DTNA: variants seen among roughly 807,000 people sequenced by gnomAD.
DTNA encodes the protein dystrobrevin alpha, also known as dystrophin-related protein 3.
A neutral mutation model predicts 100.7 loss-of-function variants in DTNA; 43 were observed. That is an observed-to-expected ratio of 0.43 (90% CI 0.33 to 0.55). The LOEUF (loss-of-function observed/expected upper bound fraction) is 0.55. Ranked by LOEUF, DTNA falls within the 20% of genes least tolerant of loss-of-function variation. DTNA has a pLI of 0.04. For missense variants in DTNA, 798 were observed against 953.9 expected (o/e 0.84, Z 2.15); for synonymous variants, 349 against 347.9 (o/e 1.00, Z -0.04).
At chr18:34,701,011 C>G (rs1185954633) in intron 1 of DTNA, among the ~76,000 whole-genome samples, 1 of 152,182 alleles carries the variant, frequency 6.6e-6, no homozygotes. Context: ...CTCTTAAGGA[C>G]TGAGTGCATT....
In DTNA at chr18:34,889,533, C is replaced by G; in HGVS notation, c.*1799C>G. On this transcript the variant is annotated 3_prime_UTR_variant, in exon 23 of 23. Transcript: ENST00000444659. Reference sequence around the variant, plus strand: ...GGGGCTGGCAAAAACCTTCTCTGAACCCACACACCAAGTTCGTAGTTGGTA... The same window carrying G: ...GGGGCTGGCAAAAACCTTCTCTGAAGCCACACACCAAGTTCGTAGTTGGTA... The G allele has an allele frequency of 1.0e-6, 1 of 985,326 alleles. No homozygotes were observed. Among genetic ancestry groups the G allele is most frequent in the Non-Finnish European group, 1.2e-6 (1 of 829,958 alleles). 61.0% of individuals were successfully genotyped at this position (985,326 alleles called of 1,614,324 possible).
intron 13 of DTNA, among the ~76,000 whole-genome samples, chr18:34,841,065 A>G (rs995524790): frequency 1.3e-5 from 2 of 151,020 alleles, no homozygotes; most frequent in Admixed American, 6.6e-5. Context: ...CCTTGTATAC[A>G]TAATTTCTCC....
rs183730700 is a variant in DTNA, at chr18:34,862,776, G to A, written c.1647-1190G>A. Among the ~76,000 whole-genome samples, 50 of 152,158 alleles carry A rather than the reference G, an allele frequency of 3.3e-4. No homozygotes were observed. The East Asian group carries it at 8.7e-3, about 26-fold the overall frequency. ...GATTATGCCACTGCACTCCAGCGTAGGCAACAGAGTGAGACCTTGTCTCTA... is the reference window on the plus strand; with the variant it reads ...GATTATGCCACTGCACTCCAGCGTAAGCAACAGAGTGAGACCTTGTCTCTA... On this transcript the variant is annotated intron_variant, in intron 16 of 22. Coordinates refer to ENST00000444659, the MANE Select transcript of DTNA (RefSeq NM_001386795.1).
At chr18:34,643,581 T>TC (rs1387280897) in intron 1 of DTNA, among the ~76,000 whole-genome samples, 8 of 152,356 alleles carry the variant, frequency 5.3e-5, no homozygotes, top group African/African-American at 1.9e-4. Context: ...GAGAATATAT[T>TC]CATTGGGTAA....
rs558702600 is a variant in DTNA at position 34,626,149 on chromosome 18, G to A, written c.-1-129827G>A. Among the ~76,000 whole-genome samples the A allele has an allele frequency of 1.9e-4, 29 of 152,264 alleles. 1 individual carries two copies. In the South Asian group the frequency reaches 2.7e-3, roughly 14 times the overall value. Reference sequence around the variant, plus strand: ...CCTCTAAACAGTTTATAAAGCTTTAGACAGATGTACAATGAATGTTATTAT... The same window carrying A: ...CCTCTAAACAGTTTATAAAGCTTTAAACAGATGTACAATGAATGTTATTAT... On this transcript the variant is annotated intron_variant, in intron 1 of 19. Coordinates refer to the DTNA transcript ENST00000283365.
chr18:34,612,838 A>G (rs2054507269), intron 1 of DTNA, among the ~76,000 whole-genome samples: 1 of 152,242 alleles, frequency 6.6e-6, no homozygotes, highest in South Asian at 2.1e-4. Context: ...ACTCATTAGA[A>G]TTAATCATGA....
chr18:34,745,178 A>G (rs752525824), intron 1 of DTNA, among the ~76,000 whole-genome samples: 2 of 151,984 alleles, frequency 1.3e-5, no homozygotes, highest in South Asian at 2.1e-4. Context: ...TTTTTGTCCT[A>G]TTGCAGAAAA....
At chr18:34,509,054 T>C (rs1356668723) in intron 1 of DTNA, among the ~76,000 whole-genome samples, 1 of 152,144 alleles carries the variant, frequency 6.6e-6, no homozygotes, top group African/African-American at 2.4e-5. Flanking sequence ...TTTGATACTA[T>C]TTATCATTTA....
chr18:34,663,983 C>T (rs1041673638), intron 1 of DTNA, among the ~76,000 whole-genome samples: 2 of 152,020 alleles, frequency 1.3e-5, no homozygotes, highest in Non-Finnish European at 2.9e-5. Context: ...ATTGAGTTTA[C>T]TGTAATAGAT....
At chr18:34,615,250 C>A (rs1011400490) in intron 1 of DTNA, among the ~76,000 whole-genome samples, 2 of 151,968 alleles carry the variant, frequency 1.3e-5, no homozygotes, top group African/African-American at 2.4e-5. Context: ...TTTTAAACAA[C>A]CAAATCTCAC....
chr18:34,556,335 C>A (rs1234397381), intron 1 of DTNA, among the ~76,000 whole-genome samples: 1 of 152,186 alleles, frequency 6.6e-6, no homozygotes, highest in Admixed American at 6.5e-5. Context: ...ATTTGCCAGT[C>A]TGTGTCTTTT....
At chr18:34,810,326 C>T (rs951866165) in intron 5 of DTNA, among the ~76,000 whole-genome samples, 3 of 152,122 alleles carry the variant, frequency 2.0e-5, no homozygotes, top group African/African-American at 7.2e-5. Flanking sequence ...CTGGACACAA[C>T]CTAAACTCCT....
At chr18:34,538,398 T>A (rs1254705459) in intron 1 of DTNA, among the ~76,000 whole-genome samples, 2 of 152,032 alleles carry the variant, frequency 1.3e-5, no homozygotes, top group Non-Finnish European at 2.9e-5. Context: ...AAAATGGAAA[T>A]TGATCCTTTA....
chr18:34,571,308 A>G (rs1489093508), intron 1 of DTNA, among the ~76,000 whole-genome samples: 17 of 152,178 alleles, frequency 1.1e-4, no homozygotes. Flanking sequence ...AAATGTTTCC[A>G]GGGCTGAAAA....
intron 1 of DTNA, among the ~76,000 whole-genome samples, chr18:34,600,483 A>T (rs989512879): frequency 1.3e-5 from 2 of 152,354 alleles, no homozygotes; most frequent in South Asian, 2.1e-4. Context: ...GAAACAATGA[A>T]TTCACTGAAT....
At chr18:34,639,158 T>A (rs1256757546) in intron 1 of DTNA, among the ~76,000 whole-genome samples, 1 of 152,164 alleles carries the variant, frequency 6.6e-6, no homozygotes, top group Non-Finnish European at 1.5e-5. Context: ...TTATTTTAGG[T>A]ACTACTGATA....
chr18:34,752,113 T>C (rs917618068), intron 1 of DTNA, among the ~76,000 whole-genome samples: 1 of 152,222 alleles, frequency 6.6e-6, no homozygotes, highest in East Asian at 1.9e-4. Flanking sequence ...AAGCATCTTA[T>C]GTACATGAAG....
chr18:34,785,830 C>CTGT (rs5823955), intron 3 of DTNA, among the ~76,000 whole-genome samples: 3 of 152,102 alleles, frequency 2.0e-5, no homozygotes, highest in Admixed American at 2.0e-4. Flanking sequence ...TGATTAGGGA[C>CTGT]CTATTTTGTA....
chr18:34,680,449 T>C (rs1323041404), intron 1 of DTNA, among the ~76,000 whole-genome samples: 1 of 152,192 alleles, frequency 6.6e-6, no homozygotes, highest in African/African-American at 2.4e-5. Flanking sequence ...GGCTTTATTA[T>C]GTACTTTGAA....
Sources: allele counts gnomAD v4.1 joint callset (sites outside exome capture counted in the v4.1 genomes callset), GRCh38; gene constraint gnomAD v4.1.1; transcripts MANE v1.5; gene names NCBI Gene and HGNC (gene_info 2026-07-23, HGNC 2026-07-21).